TRPC7: variants seen among roughly 807,000 people sequenced by gnomAD.
TRPC7 encodes short transient receptor potential channel 7.
TRPC7 carries 42 observed loss-of-function variants against 90.1 expected under a neutral mutation model. That is an observed-to-expected ratio of 0.47 (90% CI 0.36 to 0.60). The LOEUF is 0.60. TRPC7 is among the 20% of genes least tolerant of loss of function. TRPC7 has a pLI of 0.00. For missense variants in TRPC7, 955 were observed against 1,112.3 expected, an observed-to-expected ratio of 0.86 and a Z score of 2.01; for synonymous variants, 451 against 436.3, an observed-to-expected ratio of 1.03 and a Z score of -0.42.
intron 5 of TRPC7, among the ~76,000 whole-genome samples, chr5:136,256,779 A>G (rs1280469791): frequency 1.3e-5 from 2 of 152,212 alleles, no homozygotes; most frequent in Admixed American, 6.5e-5. Flanking sequence ...TGTCATTCCT[A>G]TGATATTCCA....
At chr5:136,293,756 C>T (rs2149826283) in intron 3 of TRPC7, among the ~76,000 whole-genome samples, 1 of 152,268 alleles carries the variant, frequency 6.6e-6, no homozygotes, top group East Asian at 1.9e-4. Context: ...CATCAAGCTA[C>T]CAATGACTTT....
At chr5:136,288,729 G>T (rs1757823430) in intron 3 of TRPC7, among the ~76,000 whole-genome samples, 1 of 152,202 alleles carries the variant, frequency 6.6e-6, no homozygotes, top group Non-Finnish European at 1.5e-5. Flanking sequence ...GTCTGGGAGG[G>T]AGTCAATTAA....
rs138709092 is a variant in TRPC7, at chr5:136,326,255, G to T, written c.781-10476C>A. Among the ~76,000 whole-genome samples the T allele has an allele frequency of 7.6e-4, 115 of 152,208 alleles. 1 individual carries two copies. Among genetic ancestry groups the T allele is most frequent in the African/African-American group, 2.6e-3 (108 of 41,508 alleles). On this transcript the variant is annotated intron_variant, in intron 2 of 11. Coordinates refer to ENST00000513104, the MANE Select transcript of TRPC7 (RefSeq NM_020389.3). Reference sequence around the variant, plus strand: ...CTTTGTGCATTTTGTTCAATTCTTTGTTTAAAATGCCAAGGACCTGGACAA... The same window carrying T: ...CTTTGTGCATTTTGTTCAATTCTTTTTTTAAAATGCCAAGGACCTGGACAA...
At chr5:136,254,193 T>C (rs1756615577) in intron 5 of TRPC7, among the ~76,000 whole-genome samples, 1 of 152,228 alleles carries the variant, frequency 6.6e-6, no homozygotes, top group Non-Finnish European at 1.5e-5. Context: ...CAACAAGTTA[T>C]CAGAAGATCT....
intron 2 of TRPC7, among the ~76,000 whole-genome samples, chr5:136,324,816 TCA>T (rs1309307421): frequency 3.9e-5 from 6 of 152,228 alleles, no homozygotes; most frequent in African/African-American, 1.2e-4. Flanking sequence ...AATGAATTTC[TCA>T]GAGAGATGTT....
intron 1 of TRPC7, 95 bp downstream of exon 1, chr5:136,365,158 G>A (rs1012631873): frequency 7.3e-7 from 1 of 1,362,714 alleles, no homozygotes; most frequent in African/African-American, 1.4e-5. Flanking sequence ...AGAGGAAGAA[G>A]GCTGATAAAT....
chr5:136,257,671 A>G (rs982789945), intron 5 of TRPC7, among the ~76,000 whole-genome samples: 9 of 152,150 alleles, frequency 5.9e-5, no homozygotes, highest in African/African-American at 2.4e-5. Flanking sequence ...TTTGTTAACA[A>G]AGCTATGTCT....
chr5:136,238,643 C>T (rs960662378), intron 7 of TRPC7, among the ~76,000 whole-genome samples: 1 of 152,146 alleles, frequency 6.6e-6, no homozygotes, highest in Non-Finnish European at 1.5e-5. Flanking sequence ...GACCGTCAGC[C>T]TGAGAAGCAG....
chr5:136,339,192 T>G (rs1561725099), intron 2 of TRPC7, among the ~76,000 whole-genome samples: 1 of 152,234 alleles, frequency 6.6e-6, no homozygotes, highest in Non-Finnish European at 1.5e-5. Flanking sequence ...TGGCTGTTCT[T>G]GCTCATTCCT....
intron 5 of TRPC7, among the ~76,000 whole-genome samples, chr5:136,262,754 C>T (rs1156435765): frequency 3.9e-5 from 6 of 152,066 alleles, no homozygotes; most frequent in Admixed American, 6.5e-5. Context: ...ATAGGCAGCA[C>T]GGGACTGTGA....
intron 4 of TRPC7, among the ~76,000 whole-genome samples, chr5:136,266,680 C>G (rs1757044080): frequency 6.6e-6 from 1 of 152,128 alleles, no homozygotes; most frequent in African/African-American, 2.4e-5. Flanking sequence ...ATTGATAGAA[C>G]ACACCTGACA....
chr5:136,254,911 A>G (rs765704152), intron 5 of TRPC7, among the ~76,000 whole-genome samples: 2 of 152,204 alleles, frequency 1.3e-5, no homozygotes. Context: ...AGTTGATTCA[A>G]ACCTTCACGG....
chr5:136,318,818 ACT>A (rs1175056560), intron 2 of TRPC7, among the ~76,000 whole-genome samples: 1 of 149,830 alleles, frequency 6.7e-6, no homozygotes, highest in Non-Finnish European at 1.5e-5. Flanking sequence ...CCTTACAGCC[ACT>A]GACTGTACCT....
intron 9 of TRPC7, 38 bp downstream of exon 9, chr5:136,225,996 G>C: frequency 6.5e-7 from 1 of 1,532,764 alleles, no homozygotes; most frequent in Non-Finnish European, 8.9e-7. Flanking sequence ...GCCCCCTCCT[G>C]CTGCCTTCTC....
chr5:136,328,179 C>T (rs1215436464), intron 2 of TRPC7, among the ~76,000 whole-genome samples: 1 of 152,120 alleles, frequency 6.6e-6, no homozygotes, highest in African/African-American at 2.4e-5. Flanking sequence ...AGACCGACAA[C>T]ATTTATTGCC....
At chr5:136,348,675 T>C (rs1197118803) in intron 2 of TRPC7, among the ~76,000 whole-genome samples, 1 of 152,210 alleles carries the variant, frequency 6.6e-6, no homozygotes, top group Non-Finnish European at 1.5e-5. Context: ...ATTGCATGAA[T>C]AGGGAATTTT....
rs779942323 is a variant in TRPC7 at position 136,315,720 on chromosome 5, C to T, written c.840G>A (p.Leu280=). 3 of 1,614,108 alleles carry T rather than the reference C, an allele frequency of 1.9e-6. No individual in the cohort carries two copies. Among genetic ancestry groups the T allele is most frequent in the Non-Finnish European group, 2.5e-6 (3 of 1,179,964 alleles). The change falls in exon 3 of 12, where the codon CTG becomes CTA. Residue 280 remains leucine (L), a synonymous_variant. Coordinates refer to ENST00000513104, the MANE Select transcript of TRPC7 (RefSeq NM_020389.3). ...CTTCCACCTCTTCTGTGTCTCGGCA[C>T]AGGTCCAGCACGCCCACTACAAAAT... ...CKDFVVGVLD[L]CRDTEEVEAI...
intron 3 of TRPC7, among the ~76,000 whole-genome samples, chr5:136,305,000 C>A (rs1004562331): frequency 1.3e-5 from 2 of 152,298 alleles, no homozygotes; most frequent in African/African-American, 2.4e-5. Context: ...CCCTAAAAAT[C>A]ACAAACTATG....
At chr5:136,311,561 C>T (rs899385044) in intron 3 of TRPC7, among the ~76,000 whole-genome samples, 6 of 152,268 alleles carry the variant, frequency 3.9e-5, no homozygotes, top group African/African-American at 1.4e-4. Context: ...AAGGAAAAGG[C>T]CTTTAAGAAG....
Sources: gnomAD v4.1 joint callset for allele counts (sites outside exome capture counted in the v4.1 genomes callset) on GRCh38, gnomAD v4.1.1 for gene constraint, MANE v1.5 for transcripts, NCBI Gene and HGNC (gene_info 2026-07-23, HGNC 2026-07-21) for gene names.